PCDHGA1: variants seen among roughly 807,000 people sequenced by gnomAD.
PCDHGA1 encodes the protein protocadherin gamma subfamily A, 1.
Under a neutral mutation model 58.0 loss-of-function variants are expected in PCDHGA1, and 32 were observed. That is an observed-to-expected ratio of 0.55 (90% CI 0.42 to 0.74). PCDHGA1 has a LOEUF of 0.74. Ranked by LOEUF, PCDHGA1 falls within the 30% of genes least tolerant of loss-of-function variation. PCDHGA1 has a pLI of 0.00. For synonymous variants in PCDHGA1, 498 were observed against 501.1 expected (o/e 0.99, Z 0.08); for missense variants, 1,205 against 1,182.3 (o/e 1.02, Z -0.28).
At chr5:141,368,562 A>T (rs1765727979) in intron 1 of PCDHGA1, among the ~76,000 whole-genome samples, 1 of 152,144 alleles carries the variant, frequency 6.6e-6, no homozygotes, top group African/African-American at 2.4e-5. Flanking sequence ...AGAAAATGTT[A>T]TATGCTTCTT....
intron 1 of PCDHGA1, among the ~76,000 whole-genome samples, chr5:141,381,826 C>CTT (rs770630741): frequency 0.12 from 9,186 of 74,154 alleles, 568 homozygotes; most frequent in African/African-American, 0.16. Context: ...CTTTCTTCTT[C>CTT]TTTTTTTTTT....
intron 1 of PCDHGA1, chr5:141,395,872 T>G (rs950924655): frequency 2.0e-5 from 3 of 152,138 alleles, no homozygotes; most frequent in Non-Finnish European, 4.4e-5. Context: ...ATTAAGTATG[T>G]GAGTCAGTGG....
chr5:141,374,484 TAAAGG>T, intron 1 of PCDHGA1: 1 of 1,611,588 alleles, frequency 6.2e-7, no homozygotes, highest in Non-Finnish European at 8.5e-7. Flanking sequence ...CCCCGATTCT[TAAAGG>T]AAGAATTGGA....
At chr5:141,370,333 C>T in intron 1 of PCDHGA1, 1 of 1,435,660 alleles carries the variant, frequency 7.0e-7, no homozygotes, top group Non-Finnish European at 9.4e-7. Flanking sequence ...TCGGAGAACT[C>T]TTGGGATTAT....
rs555568322 is a variant in PCDHGA1, at chr5:141,366,458, G to T, written c.2421+33353G>T. On this transcript the variant is annotated intron_variant, in intron 1 of 3. Transcript: ENST00000517417. ...CTGCGTCTTCCTGGCCTTCGTCATC[G>T]TGCTGCTGGTGCTCAGACTGAGGCG... 12 of 1,614,210 alleles carry T rather than the reference G, an allele frequency of 7.4e-6. No individual in the cohort carries two copies. Among genetic ancestry groups the T allele is most frequent in the African/African-American group, 1.3e-5 (1 of 75,068 alleles).
At position 141,444,152 on chromosome 5, in the gene PCDHGA1, A is replaced by ATT. The variant is rs747671382; in HGVS notation, c.2422-50620_2422-50619dup. ...GATATGTGTCACTTGTGTGTACTGG[A>ATT]TTTTTTTTTTTTTTTTTTTTTTTTT... On this transcript the variant is annotated intron_variant, in intron 1 of 3. Coordinates refer to ENST00000517417, the MANE Select transcript of PCDHGA1 (RefSeq NM_018912.3). Among the ~76,000 whole-genome samples, 286 of 33,894 alleles carry ATT rather than the reference A, an allele frequency of 8.4e-3. 107 individuals carry two copies. The highest frequency in any genetic ancestry group is 0.011 in the African/African-American group (76 of 7,180). The allele number at this position is 33,894 out of a possible 152,430, so 22.2% of individuals were successfully genotyped here. A position where few individuals can be genotyped will look rare whatever the true frequency, so the allele number is the denominator to read the frequency against.
chr5:141,375,075 C>A lies in PCDHGA1; in HGVS notation c.2421+41970C>A. The stretch of plus-strand genomic sequence containing the variant: ...GATGGGCCAGGTCTTCGAGACAGAG[C>A]GAAAGTCTTAATAACTATCTTGGAT... On this transcript the variant is annotated intron_variant, in intron 1 of 3. Transcript: ENST00000517417. 4 of 1,613,926 alleles carry A rather than the reference C, an allele frequency of 2.5e-6. No individual in the cohort carries two copies. The highest frequency in any genetic ancestry group is 1.6e-4 in the Middle Eastern group (1 of 6,062).
chr5:141,480,914 G>A (rs959577133), intron 1 of PCDHGA1, among the ~76,000 whole-genome samples: 18 of 151,978 alleles, frequency 1.2e-4, no homozygotes, highest in South Asian at 4.2e-4. Flanking sequence ...GCATGGTGGC[G>A]CATACCTGTA....
At chr5:141,345,489 C>G in intron 1 of PCDHGA1, 1 of 1,614,128 alleles carries the variant, frequency 6.2e-7, no homozygotes, top group Non-Finnish European at 8.5e-7. Flanking sequence ...CAACAACGCC[C>G]GCATCACTTA....
At chr5:141,484,626 C>T (rs1306600907) in intron 1 of PCDHGA1, among the ~76,000 whole-genome samples, 1 of 151,972 alleles carries the variant, frequency 6.6e-6, no homozygotes, top group African/African-American at 2.4e-5. Context: ...CTGGCTTGAA[C>T]AAAGTGACCA....
At chr5:141,393,746 A>G (rs1167040701) in intron 1 of PCDHGA1, 6 of 1,613,800 alleles carry the variant, frequency 3.7e-6, no homozygotes, top group South Asian at 1.1e-5. Context: ...ATTATGAAGA[A>G]TGTTCATTTT....
chr5:141,357,386 G>A, intron 1 of PCDHGA1: 1 of 1,614,234 alleles, frequency 6.2e-7, no homozygotes, highest in Non-Finnish European at 8.5e-7. Flanking sequence ...CACGCTGAAG[G>A]CAGCAGGTTG....
chr5:141,450,181 C>A (rs2098672863), intron 1 of PCDHGA1, among the ~76,000 whole-genome samples: 1 of 151,572 alleles, frequency 6.6e-6, no homozygotes, highest in African/African-American at 2.4e-5. Flanking sequence ...CCACACCCAG[C>A]TAATTTTTGT....
chr5:141,388,407 A>G (rs2091351140), intron 1 of PCDHGA1: 6 of 1,613,878 alleles, frequency 3.7e-6, no homozygotes, highest in Middle Eastern at 3.3e-4. Flanking sequence ...ACTCAGTCCC[A>G]GTGATCATTT....
intron 1 of PCDHGA1, chr5:141,422,827 A>T: frequency 6.2e-7 from 1 of 1,614,208 alleles, no homozygotes; most frequent in Non-Finnish European, 8.5e-7. Context: ...ACTGAGAGTG[A>T]TAGCACGTGA....
chr5:141,352,469 C>T (rs1561503431), intron 1 of PCDHGA1: 9 of 1,614,014 alleles, frequency 5.6e-6, no homozygotes, highest in Non-Finnish European at 7.6e-6. Context: ...CGGGGTTCCT[C>T]CCAACCACAG....
Position 141,431,474 on chromosome 5 carries a change from G to C in PCDHGA1, c.2422-63333G>C. On this transcript the variant is annotated intron_variant, in intron 1 of 3. Coordinates refer to ENST00000517417, the MANE Select transcript of PCDHGA1 (RefSeq NM_018912.3). The surrounding 1 kb of genome is among the most constrained non-coding windows in gnomAD (Gnocchi z 4.8). The stretch of plus-strand genomic sequence containing the variant: ...GATGGTTCTGGATGCGAACGACAAC[G>C]CACCAGCGTTTGCTCAGCCCGAGTA... 6.2e-7 allele frequency: 1 copy of C among 1,613,842 alleles called. No individual in the cohort carries two copies. The highest frequency in any genetic ancestry group is 8.5e-7 in the Non-Finnish European group (1 of 1,179,958).
At chr5:141,414,930 C>A (rs561548499) in intron 1 of PCDHGA1, 1 of 1,614,156 alleles carries the variant, frequency 6.2e-7, no homozygotes, top group South Asian at 1.1e-5. Flanking sequence ...CGCCCCGCTC[C>A]GCAGAGCCCG....
At chr5:141,399,870 C>CT (rs770811342) in intron 1 of PCDHGA1, 103 of 1,612,856 alleles carry the variant, frequency 6.4e-5, no homozygotes, top group Middle Eastern at 5.4e-4. Context: ...CAGAGCCCGG[C>CT]TACCTGGTGA....
Sources: gnomAD v4.1 joint callset for allele counts (sites outside exome capture counted in the v4.1 genomes callset) on GRCh38, gnomAD v4.1.1 for gene constraint, Gnocchi (gnomAD v3.1) non-coding constraint, MANE v1.5 for transcripts, NCBI Gene and HGNC (gene_info 2026-07-23, HGNC 2026-07-21) for gene names.